The following KLHL18 variants were observed in gnomAD, a reference collection of about 807,000 sequenced individuals.
KLHL18 encodes the protein kelch like family member 18.
Under a neutral mutation model 58.5 loss-of-function variants are expected in KLHL18, and 38 were observed. The ratio of observed to expected loss-of-function variants is 0.65; its 90% CI spans 0.50 to 0.85. The LOEUF is 0.85. KLHL18 is among the 40% of genes least tolerant of loss of function. The pLI, the probability that KLHL18 is intolerant of heterozygous loss-of-function variation, is 0.00. For missense variants in KLHL18, 624 were observed against 778.4 expected, an observed-to-expected ratio of 0.80 and a Z score of 2.36; for synonymous variants, 303 against 301.9, an observed-to-expected ratio of 1.00 and a Z score of -0.04.
In KLHL18 at chr3:47,336,699, G is replaced by T; in HGVS notation, c.1063G>T (p.Ala355Ser). 1 of 1,614,210 alleles carries T rather than the reference G, an allele frequency of 6.2e-7. No individual in the cohort carries two copies. Among genetic ancestry groups the T allele is most frequent in the South Asian group, 1.1e-5 (1 of 91,090 alleles). The change falls in exon 7 of 10, where the codon GCC becomes TCC. Residue 355 changes from alanine (A) to serine (S), a missense_variant. Ala to Ser is a moderately conservative substitution (Grantham distance 99). Transcript: ENST00000232766. ...CCAGCTACGGCTGAGCACTGTGGAG[G>T]CCTACAACCCGGAGACAGACACATG... ...DGQLRLSTVE[A>S]YNPETDTWTR...
chr3:47,339,408 CT>C (rs1704056705), intron 7 of KLHL18, among the ~76,000 whole-genome samples: 1 of 151,534 alleles, frequency 6.6e-6, no homozygotes, highest in Non-Finnish European at 1.5e-5. Flanking sequence ...GGGAGAATCC[CT>C]TGAACCCAGG....
At chr3:47,309,263 C>G (rs900072168) in intron 1 of KLHL18, among the ~76,000 whole-genome samples, 36 of 152,252 alleles carry the variant, frequency 2.4e-4, no homozygotes, top group Admixed American at 9.2e-4. Flanking sequence ...CATCATGGCC[C>G]GTTCTCAATG....
At chr3:47,308,937 C>A (rs1433912950) in intron 1 of KLHL18, among the ~76,000 whole-genome samples, 2 of 152,128 alleles carry the variant, frequency 1.3e-5, no homozygotes, top group Non-Finnish European at 2.9e-5. Context: ...GTGTTTGTAT[C>A]CCTGGGTACT....
intron 1 of KLHL18, among the ~76,000 whole-genome samples, chr3:47,293,047 G>T (rs886969861): frequency 1.3e-5 from 2 of 152,144 alleles, no homozygotes; most frequent in Non-Finnish European, 2.9e-5. Context: ...CAAATGTTGT[G>T]TGATTCCACT....
At chr3:47,301,699 T>C (rs1205324761) in intron 1 of KLHL18, among the ~76,000 whole-genome samples, 2 of 152,186 alleles carry the variant, frequency 1.3e-5, no homozygotes, top group Non-Finnish European at 2.9e-5. Context: ...AAGTGCAACT[T>C]TTGACTTCCC....
intron 6 of KLHL18, among the ~76,000 whole-genome samples, chr3:47,336,094 A>G (rs1451701311): frequency 6.6e-6 from 1 of 152,204 alleles, no homozygotes; most frequent in African/African-American, 2.4e-5. Context: ...TTTACCTGTT[A>G]TATCATTTAA....
chr3:47,332,009 A>G (rs1054395368), intron 4 of KLHL18, among the ~76,000 whole-genome samples: 1 of 152,014 alleles, frequency 6.6e-6, no homozygotes, highest in Non-Finnish European at 1.5e-5. Flanking sequence ...TTCTCTTCTG[A>G]TTTTCTATTT....
At chr3:47,312,334 ACTGT>A (rs1472355477) in intron 1 of KLHL18, among the ~76,000 whole-genome samples, 1 of 152,168 alleles carries the variant, frequency 6.6e-6, no homozygotes, top group Non-Finnish European at 1.5e-5. Flanking sequence ...CTTTAAATCT[ACTGT>A]CTGATTCCAT....
At chr3:47,327,664 C>T (rs1703757390) in intron 3 of KLHL18, among the ~76,000 whole-genome samples, 1 of 152,354 alleles carries the variant, frequency 6.6e-6, no homozygotes, top group Non-Finnish European at 1.5e-5. Flanking sequence ...ACATCTTGCT[C>T]TCTGCTTATG....
At position 47,322,554 on chromosome 3, in the gene KLHL18, C is replaced by T; in HGVS notation, c.261-14C>T. ...TCTCTGAAAGCACCTCACAGCTTTC[C>T]CTCTTTCCTCTAGTGCCCTGGAGGC... On this transcript the variant is annotated splice_polypyrimidine_tract_variant and intron_variant, in intron 2 of 9. Coordinates refer to ENST00000232766, the MANE Select transcript of KLHL18 (RefSeq NM_025010.5). 1.9e-6 allele frequency: 3 copies of T among 1,580,178 alleles called. No homozygotes were observed. Among genetic ancestry groups the T allele is most frequent in the Non-Finnish European group, 2.6e-6 (3 of 1,164,206 alleles).
chr3:47,343,797 C>T lies in KLHL18; in HGVS notation c.1581C>T (p.Tyr527=), dbSNP rs750991629. Residue 527 remains tyrosine, a synonymous_variant, in exon 10 of 10, where the codon TAC becomes TAT. Coordinates refer to ENST00000232766, the MANE Select transcript of KLHL18 (RefSeq NM_025010.5). Reference sequence around the variant, plus strand: ...TGGTGGCCAGCTGTGGGCGCCTCTACGCTGTTGGGGGCTACGACGGACAGT... The same window carrying T: ...TGGTGGCCAGCTGTGGGCGCCTCTATGCTGTTGGGGGCTACGACGGACAGT... ...VSLVASCGRL[Y]AVGGYDGQSN... 9.3e-6 allele frequency: 15 copies of T among 1,614,102 alleles called. No individual in the cohort carries two copies. The highest frequency in any genetic ancestry group is 5.3e-5 in the African/African-American group (4 of 74,932).
At chr3:47,311,497 T>G (rs192755858) in intron 1 of KLHL18, among the ~76,000 whole-genome samples, 2 of 151,766 alleles carry the variant, frequency 1.3e-5, no homozygotes, top group Admixed American at 1.3e-4. Context: ...TCAAGACCAT[T>G]CTGGCTAACA....
In KLHL18 at chr3:47,282,989, G is replaced by A. The variant is rs368604332; in HGVS notation, c.24G>A (p.Glu8=). ...AGATGGTGGAGGACGGCGCGGAGGAGCTGGAGGATCTGGTGCACTTCTCCG... is the reference window on the plus strand; with the variant it reads ...AGATGGTGGAGGACGGCGCGGAGGAACTGGAGGATCTGGTGCACTTCTCCG... The part of the protein sequence containing the change: MVEDGAE[E]LEDLVHFSVS... The change falls in exon 1 of 10, where the codon GAG becomes GAA. Residue 8 remains glutamate, a synonymous_variant. Transcript: ENST00000232766. 1 of 1,611,216 alleles carries A rather than the reference G, an allele frequency of 6.2e-7. No homozygotes were observed. The highest frequency in any genetic ancestry group is 1.7e-5 in the Admixed American group (1 of 59,636).
intron 8 of KLHL18, among the ~76,000 whole-genome samples, chr3:47,341,945 G>T (rs1406473873): frequency 6.6e-6 from 1 of 150,834 alleles, no homozygotes; most frequent in Admixed American, 6.6e-5. Context: ...CATTAGCCAG[G>T]CATGGTGGCA....
Position 47,334,757 on chromosome 3 carries a change from G to A in KLHL18, c.836G>A (p.Arg279Gln), listed in dbSNP as rs1195363522. 20 of 1,613,996 alleles carry A rather than the reference G, an allele frequency of 1.2e-5. No homozygotes were observed. The highest frequency in any genetic ancestry group is 1.0e-4 in the Admixed American group (6 of 59,988). Residue 279 changes from arginine to glutamine, a missense_variant, in exon 6 of 10, where the codon CGG becomes CAG. By Grantham distance (43) the Arg-to-Gln change is conservative. Transcript: ENST00000232766. The surrounding 1 kb of genome is among the most constrained non-coding windows in gnomAD (Gnocchi z 4.7). ...CCCCACCTGCCAGCTTTCAGAACCC[G>A]GCCACGCTGCTGCACATCCATCGCT... ...RRPHLPAFRT[R>Q]PRCCTSIAGL...
At chr3:47,303,133 TC>T (rs1381920794) in intron 1 of KLHL18, among the ~76,000 whole-genome samples, 2 of 152,240 alleles carry the variant, frequency 1.3e-5, no homozygotes, top group African/African-American at 4.8e-5. Context: ...AACAGCTTTC[TC>T]CAGCAGGAAC....
chr3:47,310,459 CTCTTT>C (rs1338392518), intron 1 of KLHL18, among the ~76,000 whole-genome samples: 6 of 152,178 alleles, frequency 3.9e-5, no homozygotes, highest in Admixed American at 3.3e-4. Context: ...GTCTTATAGC[CTCTTT>C]TCTTCACACT....
chr3:47,284,256 C>A (rs575722302), intron 1 of KLHL18, among the ~76,000 whole-genome samples: 2 of 150,382 alleles, frequency 1.3e-5, no homozygotes, highest in East Asian at 3.9e-4. Flanking sequence ...GTCTCTCTCA[C>A]ACACACACAC....
intron 1 of KLHL18, among the ~76,000 whole-genome samples, chr3:47,303,741 A>G (rs1393583192): frequency 2.6e-5 from 4 of 151,904 alleles, no homozygotes; most frequent in Non-Finnish European, 4.4e-5. Flanking sequence ...CCCTTTTTAA[A>G]TTGATTTTAT....
Sources: gnomAD v4.1 joint callset for allele counts (sites outside exome capture counted in the v4.1 genomes callset) on GRCh38, gnomAD v4.1.1 for gene constraint, Gnocchi (gnomAD v3.1) non-coding constraint, MANE v1.5 for transcripts, NCBI Gene and HGNC (gene_info 2026-07-23, HGNC 2026-07-21) for gene names.